Variants in ATP13A4 observed in about 807,000 individuals in gnomAD.
ATP13A4 encodes probable cation-transporting ATPase 13A4.
ATP13A4 carries 114 observed loss-of-function variants against 142.5 expected under a neutral mutation model. That is an observed-to-expected ratio of 0.80 (90% confidence interval 0.69 to 0.93). The LOEUF is 0.93. Among genes scored for constraint, ATP13A4 ranks in the 40% least tolerant of loss-of-function variants. The pLI, the probability that ATP13A4 is intolerant of heterozygous loss-of-function variation, is 0.00. For missense variants in ATP13A4, 1,392 were observed against 1,454.0 expected (o/e 0.96, Z 0.69); for synonymous variants, 488 against 514.8 (o/e 0.95, Z 0.70).
At chr3:193,531,826 C>CAAG (rs1560262825) in intron 1 of ATP13A4, among the ~76,000 whole-genome samples, 1 of 152,102 alleles carries the variant, frequency 6.6e-6, no homozygotes, top group African/African-American at 2.4e-5. Flanking sequence ...GGGAAACCTC[C>CAAG]TTATTGGTAA....
chr3:193,500,368 C>G (rs936625381), intron 3 of ATP13A4, among the ~76,000 whole-genome samples: 1 of 152,116 alleles, frequency 6.6e-6, no homozygotes, highest in Non-Finnish European at 1.5e-5. Context: ...CTCCTCTTAG[C>G]CTGTTTCCAA....
intron 2 of ATP13A4, among the ~76,000 whole-genome samples, chr3:193,513,437 T>G (rs528051944): frequency 4.7e-4 from 71 of 152,298 alleles, no homozygotes; most frequent in African/African-American, 1.6e-3. Flanking sequence ...AAACACTCAG[T>G]AAAAGTCAAC....
chr3:193,478,804 C>G (rs113654722), intron 8 of ATP13A4, among the ~76,000 whole-genome samples: 70,545 of 151,586 alleles, frequency 0.47, 16,423 homozygotes, highest in African/African-American at 0.53. Flanking sequence ...AACCAGGGAA[C>G]GACATAACAA....
At chr3:193,492,102 T>G (rs1719976807) in intron 5 of ATP13A4, among the ~76,000 whole-genome samples, 1 of 152,194 alleles carries the variant, frequency 6.6e-6, no homozygotes, top group Admixed American at 6.5e-5. Context: ...AATGTTTATA[T>G]AGATCATGTG....
chr3:193,515,297 C>T (rs1215624876), intron 1 of ATP13A4, among the ~76,000 whole-genome samples: 2 of 152,116 alleles, frequency 1.3e-5, no homozygotes, highest in Admixed American at 6.5e-5. Flanking sequence ...CTAGAATGTC[C>T]CACTGCTAAG....
intron 17 of ATP13A4, among the ~76,000 whole-genome samples, chr3:193,450,757 G>A (rs1717229350): frequency 1.3e-5 from 2 of 152,130 alleles, no homozygotes; most frequent in South Asian, 2.1e-4. Flanking sequence ...TGGCCAACCC[G>A]GAGATCTGTT....
At chr3:193,403,906 A>G (rs1714367477) in intron 29 of ATP13A4, 1 of 985,298 alleles carries the variant, frequency 1.0e-6, no homozygotes, top group Non-Finnish European at 1.2e-6. Flanking sequence ...GAGATTCTAT[A>G]AGGAACTTTG....
rs536542913 is a variant in ATP13A4 at position 193,401,225 on chromosome 3, T to G, written c.*1427A>C. Among the ~76,000 whole-genome samples the G allele has an allele frequency of 6.6e-6, 1 of 152,310 alleles. No individual in the cohort carries two copies. Among genetic ancestry groups the G allele is most frequent in the Non-Finnish European group, 1.5e-5 (1 of 68,024 alleles). Reference sequence around the variant, plus strand: ...TTGATGCTCATAATACAAATTTTGCTTTTGCCTTAAAATATTATATGTAGG... The same window carrying G: ...TTGATGCTCATAATACAAATTTTGCGTTTGCCTTAAAATATTATATGTAGG... On this transcript the variant is annotated 3_prime_UTR_variant, in exon 30 of 30. Transcript: ENST00000342695.
At chr3:193,406,856 G>A (rs73198938) in intron 29 of ATP13A4, among the ~76,000 whole-genome samples, 3,547 of 152,254 alleles carry the variant, frequency 0.023, 64 homozygotes, top group Middle Eastern at 0.061. Flanking sequence ...GAAGGCAGAA[G>A]GGGCAATGAA....
At chr3:193,480,037 G>C (rs1413611143) in intron 8 of ATP13A4, among the ~76,000 whole-genome samples, 1 of 152,080 alleles carries the variant, frequency 6.6e-6, no homozygotes, top group Non-Finnish European at 1.5e-5. Flanking sequence ...GTCAACAAAT[G>C]GTGTTGGGAT....
intron 1 of ATP13A4, among the ~76,000 whole-genome samples, chr3:193,525,813 C>A (rs535753672): frequency 6.6e-6 from 1 of 152,190 alleles, no homozygotes; most frequent in Non-Finnish European, 1.5e-5. Flanking sequence ...TGTGCCTAAA[C>A]AAGGGCCTGT....
chr3:193,414,946 A>G (rs1249613751), intron 25 of ATP13A4, among the ~76,000 whole-genome samples, 196 bp from the exon 26 acceptor site: 1 of 152,180 alleles, frequency 6.6e-6, no homozygotes. Flanking sequence ...AGACAAAGCC[A>G]CAAGATGTCA....
In ATP13A4 at chr3:193,465,258, G is replaced by T. The variant is rs1718205294; in HGVS notation, c.1273-130C>A. 24 of 934,886 alleles carry T rather than the reference G, an allele frequency of 2.6e-5. No homozygotes were observed. In the South Asian group the frequency reaches 3.1e-4, roughly 12 times the overall value. The allele number at this position is 934,886 out of a possible 1,614,324, so 57.9% of individuals were successfully genotyped here. On this transcript the variant is annotated intron_variant, in intron 11 of 29. Transcript: ENST00000342695. Reference sequence around the variant, plus strand: ...GCTGGAATACAGTGGTGTGATCTCAGCTCATTGCAACCTCCACCTCCCGGG... The same window carrying T: ...GCTGGAATACAGTGGTGTGATCTCATCTCATTGCAACCTCCACCTCCCGGG...
At chr3:193,540,968 G>A (rs1722862958) in intron 1 of ATP13A4, among the ~76,000 whole-genome samples, 1 of 152,002 alleles carries the variant, frequency 6.6e-6, no homozygotes. Context: ...AGAACAATAG[G>A]GCCGGGCGCG....
intron 17 of ATP13A4, 31 bp from the exon 18 acceptor site, chr3:193,448,361 G>C: frequency 6.2e-7 from 1 of 1,611,486 alleles, no homozygotes; most frequent in East Asian, 2.2e-5. Flanking sequence ...GTATTGAACA[G>C]AAATAACACA....
At chr3:193,526,501 C>T (rs535691796) in intron 1 of ATP13A4, among the ~76,000 whole-genome samples, 2 of 152,184 alleles carry the variant, frequency 1.3e-5, no homozygotes, top group Admixed American at 1.3e-4. Context: ...ATACCTAATA[C>T]GTGCAGGGCT....
At chr3:193,450,411 T>C (rs1300331707) in intron 17 of ATP13A4, among the ~76,000 whole-genome samples, 1 of 152,090 alleles carries the variant, frequency 6.6e-6, no homozygotes, top group Non-Finnish European at 1.5e-5. Flanking sequence ...ATCCAGAAAT[T>C]TTACTGAGTT....
At chr3:193,407,134 A>G (rs1321890836) in intron 29 of ATP13A4, among the ~76,000 whole-genome samples, 179 bp downstream of exon 29, 1 of 152,178 alleles carries the variant, frequency 6.6e-6, no homozygotes, top group Admixed American at 6.5e-5. Flanking sequence ...TGAGAAAACT[A>G]ACGTCCTGCT....
intron 1 of ATP13A4, among the ~76,000 whole-genome samples, chr3:193,519,468 C>T (rs574049743): frequency 6.6e-6 from 1 of 152,164 alleles, no homozygotes; most frequent in South Asian, 2.1e-4. Flanking sequence ...TTTCCTGCCT[C>T]ATGGTCTTCC....
Sources: allele counts gnomAD v4.1 joint callset (sites outside exome capture counted in the v4.1 genomes callset), GRCh38; gene constraint gnomAD v4.1.1; transcripts MANE v1.5; gene names NCBI Gene and HGNC (gene_info 2026-07-23, HGNC 2026-07-21).